Variants in PSMD8 observed in about 807,000 individuals in gnomAD.
PSMD8 encodes 26S proteasome non-ATPase regulatory subunit 8.
A neutral mutation model predicts 40.0 loss-of-function variants in PSMD8; 30 were observed. The observed-to-expected ratio is 0.75, with a 90% CI of 0.56 to 1.02. The LOEUF (loss-of-function observed/expected upper bound fraction) is 1.02, where lower values mean the gene tolerates loss of function less well. PSMD8 is among the 50% of genes least tolerant of loss of function. The pLI, the probability that PSMD8 is intolerant of heterozygous loss-of-function variation, is 0.00. For missense variants in PSMD8, 461 were observed against 463.9 expected (o/e 0.99, Z 0.06); for synonymous variants, 208 against 192.5 (o/e 1.08, Z -0.67).
intron 6 of PSMD8, 142 bp downstream of exon 6, chr19:38,382,370 C>G: frequency 1.4e-6 from 1 of 693,852 alleles, no homozygotes; most frequent in Admixed American, 2.2e-5. Flanking sequence ...TGCCAAAGCT[C>G]TCTGACATCA....
intron 6 of PSMD8, chr19:38,382,478 T>C (rs1970649695): frequency 3.6e-6 from 2 of 558,452 alleles, no homozygotes; most frequent in Admixed American, 3.4e-5. Context: ...CTGCTGTCTT[T>C]ATCAAAATTT....
intron 3 of PSMD8, among the ~76,000 whole-genome samples, chr19:38,378,717 G>A (rs893911136): frequency 8.6e-5 from 13 of 151,726 alleles, no homozygotes; most frequent in Non-Finnish European, 1.8e-4. Context: ...ACTTTGGGAG[G>A]CCGAGGTGGG....
At chr19:38,379,492 G>C in intron 4 of PSMD8, 87 bp downstream of exon 4, 1 of 1,432,306 alleles carries the variant, frequency 7.0e-7, no homozygotes, top group Admixed American at 1.8e-5. Flanking sequence ...GGAGTGGCCA[G>C]GGTTCACCCA....
chr19:38,382,839 AG>A (rs200623354), intron 6 of PSMD8: 6,706 of 181,738 alleles, frequency 0.037, 197 homozygotes, highest in African/African-American at 0.074. Context: ...TGAACCCAGG[AG>A]GGTGGAGGTT....
chr19:38,379,227 C>T lies in PSMD8; in HGVS notation c.537-13C>T. On this transcript the variant is annotated splice_polypyrimidine_tract_variant and intron_variant, in intron 3 of 6. Coordinates refer to ENST00000215071, the MANE Select transcript of PSMD8 (RefSeq NM_002812.5). ...AATCCTCCTTAACCTGCTTCCCCAT[C>T]CCACGTCCACAGGGAGCAGCTCCCC... 1.2e-6 allele frequency: 2 copies of T among 1,612,308 alleles called. No individual in the cohort carries two copies. Among genetic ancestry groups the T allele is most frequent in the Non-Finnish European group, 1.7e-6 (2 of 1,179,500 alleles).
At chr19:38,379,789 GGTGAAATT>G (rs1970625033) in intron 4 of PSMD8, among the ~76,000 whole-genome samples, 1 of 152,208 alleles carries the variant, frequency 6.6e-6, no homozygotes, top group African/African-American at 2.4e-5. Flanking sequence ...TCACCTAAAA[GGTGAAATT>G]GGAGAAAGAC....
chr19:38,378,754 C>G (rs1970617440), intron 3 of PSMD8, among the ~76,000 whole-genome samples: 1 of 151,482 alleles, frequency 6.6e-6, no homozygotes, highest in African/African-American at 2.4e-5. Flanking sequence ...GAGTTCGAGA[C>G]CAGCCTGGCC....
chr19:38,379,298 C>G lies in PSMD8; in HGVS notation c.595C>G (p.Leu199Val). The G allele has an allele frequency of 3.1e-6, 5 of 1,614,012 alleles. No individual in the cohort carries two copies. The highest frequency in any genetic ancestry group is 4.2e-6 in the Non-Finnish European group (5 of 1,179,882). Residue 199 changes from leucine to valine, a missense_variant, in exon 4 of 7, where the codon CTG becomes GTG. Leu to Val is a conservative substitution (Grantham distance 32, BLOSUM62 1). Around this residue, in one of 2 missense-constraint regions of PSMD8, gnomAD observed 236 missense variants for 321.2 expected, o/e 0.73. Coordinates refer to ENST00000215071, the MANE Select transcript of PSMD8 (RefSeq NM_002812.5). Reference sequence around the variant, plus strand: ...GCTCTTGGGCCTCAACCTCCTCTTCCTGCTGTCCCAGAACCGGGTGGCTGA... The same window carrying G: ...GCTCTTGGGCCTCAACCTCCTCTTCGTGCTGTCCCAGAACCGGGTGGCTGA... The part of the protein sequence containing the change: ...HQLLGLNLLF[L>V]LSQNRVAEFH...
At chr19:38,378,065 A>T (rs937004702) in intron 3 of PSMD8, among the ~76,000 whole-genome samples, 2 of 152,262 alleles carry the variant, frequency 1.3e-5, no homozygotes, top group South Asian at 4.1e-4. Flanking sequence ...CATCTCTACG[A>T]AATGGATACT....
chr19:38,382,112 C>T lies in PSMD8; in HGVS notation c.804-5C>T. On this transcript the variant is annotated splice_region_variant and splice_polypyrimidine_tract_variant and intron_variant, in intron 5 of 6. Coordinates refer to ENST00000215071, the MANE Select transcript of PSMD8 (RefSeq NM_002812.5). ...AGTAATGAGGAGCTTCTCATCTTCC[C>T]CCAGGGATGAGATCGCTGGGTGCAT... is the stretch of plus-strand genomic sequence containing the variant. 1 of 1,557,146 alleles carries T rather than the reference C, an allele frequency of 6.4e-7. No individual in the cohort carries two copies.
Position 38,383,399 on chromosome 19 carries a change from G to A in PSMD8, c.*9G>A. Reference sequence around the variant, plus strand: ...TGGAGATGATCGTCTGAGCCCCCCGGGCACTGGGTGGGGCAGGGCACGAGT... The same window carrying A: ...TGGAGATGATCGTCTGAGCCCCCCGAGCACTGGGTGGGGCAGGGCACGAGT... On this transcript the variant is annotated 3_prime_UTR_variant, in exon 7 of 7. Coordinates refer to ENST00000215071, the MANE Select transcript of PSMD8 (RefSeq NM_002812.5). 6.2e-7 allele frequency: 1 copy of A among 1,613,926 alleles called. No individual in the cohort carries two copies. Among genetic ancestry groups the A allele is most frequent in the Non-Finnish European group, 8.5e-7 (1 of 1,179,858 alleles).
At position 38,374,877 on chromosome 19, in the gene PSMD8, C is replaced by T. The variant is rs776434691; in HGVS notation, c.276C>T (p.Thr92=). 1 of 1,586,584 alleles carries T rather than the reference C, an allele frequency of 6.3e-7. No homozygotes were observed. ...CGGGCGCTGTTCTGCAGGCCGCGAC[C>T]GGCATGTACGAGCAACTCAAGGGCG... ...ATSGAVLQAA[T]GMYEQLKGEW... is the part of the protein sequence containing the mutation. The change falls in exon 1 of 7, where the codon ACC becomes ACT. Residue 92 remains threonine, a synonymous_variant. Coordinates refer to ENST00000215071, the MANE Select transcript of PSMD8 (RefSeq NM_002812.5).
At chr19:38,376,276 A>G (rs1303258167) in intron 2 of PSMD8, 44 bp downstream of exon 2, 2 of 1,545,738 alleles carry the variant, frequency 1.3e-6, no homozygotes, top group African/African-American at 1.4e-5. Context: ...TCTGGGGGTC[A>G]TGGCAGGAAT....
At chr19:38,380,725 T>TGTGTGTGTGCGCGCGCGCGTGCGCGC (rs1555743513) in intron 4 of PSMD8, among the ~76,000 whole-genome samples, 174 bp from the exon 5 acceptor site, 13 of 150,318 alleles carry the variant, frequency 8.6e-5, no homozygotes, top group Non-Finnish European at 1.8e-4. Context: ...TGTGTGTGTG[T>TGTGTGTGTGCGCGCGCGCGTGCGCGC]GTGTGCGCAT....
At position 38,383,282 on chromosome 19, in the gene PSMD8, C is replaced by T; in HGVS notation, c.945C>T (p.Tyr315=). The T allele has an allele frequency of 6.2e-7, 1 of 1,613,426 alleles. No homozygotes were observed. The highest frequency in any genetic ancestry group is 1.3e-5 in the African/African-American group (1 of 74,986). ...KRGWVLGPNN[Y]YSFASQQQKP... ...GGTGGGTCCTGGGCCCCAACAACTA[C>T]TACAGTTTTGCCAGCCAGCAGCAGA... is the stretch of plus-strand genomic sequence containing the variant. The change falls in exon 7 of 7, where the codon TAC becomes TAT. Residue 315 remains tyrosine, a synonymous_variant. Transcript: ENST00000215071.
intron 6 of PSMD8, among the ~76,000 whole-genome samples, 198 bp from the exon 7 acceptor site, chr19:38,383,055 G>A (rs1970656061): frequency 6.6e-6 from 1 of 152,140 alleles, no homozygotes; most frequent in Non-Finnish European, 1.5e-5. Context: ...GACCCAGAGA[G>A]GTGTGTAATT....
rs540067917 is a variant in PSMD8, at chr19:38,374,995, C to G, written c.360+34C>G. On this transcript the variant is annotated intron_variant, in intron 1 of 6. Coordinates refer to ENST00000215071, the MANE Select transcript of PSMD8 (RefSeq NM_002812.5). ...GGCAGGCCCAGGAAACCGAGTGTTG[C>G]GGGCGTGGGAGGCGCTACGAGGTGT... The G allele has an allele frequency of 2.0e-6, 3 of 1,537,950 alleles. No homozygotes were observed. The South Asian group carries it at 3.6e-5, about 18-fold the overall frequency.
In PSMD8 at chr19:38,382,132, G is replaced by A. The variant is rs1334401730; in HGVS notation, c.819G>A (p.Gly273=). 5 of 1,573,566 alleles carry A rather than the reference G, an allele frequency of 3.2e-6. No homozygotes were observed. In the African/African-American group the frequency reaches 5.4e-5, roughly 17 times the overall value. ...CTTCCCCCAGGGATGAGATCGCTGGGTGCATCGAGAAGGCCTACGAGAAAA... is the reference window on the plus strand; with the variant it reads ...CTTCCCCCAGGGATGAGATCGCTGGATGCATCGAGAAGGCCTACGAGAAAA... The part of the protein sequence containing the change: ...LLDTIRDEIA[G]CIEKAYEKIL... Residue 273 remains glycine, a synonymous_variant, in exon 6 of 7, where the codon GGG becomes GGA. Transcript: ENST00000215071.
intron 6 of PSMD8, 100 bp from the exon 7 acceptor site, chr19:38,383,152 GA>G (rs1262822075): frequency 6.7e-7 from 1 of 1,483,156 alleles, no homozygotes; most frequent in Non-Finnish European, 9.3e-7. Flanking sequence ...CGATTGGTGA[GA>G]AAAGAGAGCA....
Sources: allele counts gnomAD v4.1 joint callset (sites outside exome capture counted in the v4.1 genomes callset), GRCh38; gene constraint gnomAD v4.1.1; regional missense constraint gnomAD v4.1.1; transcripts MANE v1.5; gene names NCBI Gene and HGNC (gene_info 2026-07-23, HGNC 2026-07-21).